Variants in MIR2052HG observed in about 807,000 individuals in gnomAD.
MIR2052HG encodes the protein MIR2052 host gene.
At chr8:74,635,768 A>G (rs1045492058) in intron 2 of MIR2052HG, among the ~76,000 whole-genome samples, 1 of 152,198 alleles carries the variant, frequency 6.6e-6, no homozygotes, top group African/African-American at 2.4e-5. Context: ...TAAGAACTTT[A>G]GGATTAACTT....
intron 2 of MIR2052HG, among the ~76,000 whole-genome samples, chr8:74,679,944 T>C (rs1809101783): frequency 1.3e-5 from 2 of 152,174 alleles, no homozygotes; most frequent in African/African-American, 2.4e-5. Flanking sequence ...AGTGTTTTAA[T>C]GTAGGTTCTA....
At chr8:74,624,298 T>C (rs77096911) in intron 2 of MIR2052HG, among the ~76,000 whole-genome samples, 3,204 of 152,338 alleles carry the variant, frequency 0.021, 43 homozygotes, top group Non-Finnish European at 0.025. Flanking sequence ...TCTGGGCTTA[T>C]GTCACTTTGT....
chr8:74,664,078 G>C (rs1448565542), intron 2 of MIR2052HG, among the ~76,000 whole-genome samples: 2 of 152,018 alleles, frequency 1.3e-5, no homozygotes, highest in Non-Finnish European at 2.9e-5. Flanking sequence ...GCTATGAGTA[G>C]GCAAAGGCAT....
intron 2 of MIR2052HG, among the ~76,000 whole-genome samples, chr8:74,620,644 C>T (rs1808348920): frequency 6.6e-6 from 1 of 152,242 alleles, no homozygotes; most frequent in Admixed American, 6.5e-5. Context: ...AGGGCTGGAG[C>T]TGAAGCAGCT....
At chr8:74,679,986 T>G (rs1356319345) in intron 2 of MIR2052HG, among the ~76,000 whole-genome samples, 1 of 152,178 alleles carries the variant, frequency 6.6e-6, no homozygotes, top group African/African-American at 2.4e-5. Flanking sequence ...GTAAAATATA[T>G]GGATACTGGA....
chr8:74,681,620 A>G (rs10110275), intron 2 of MIR2052HG, among the ~76,000 whole-genome samples: 2,735 of 152,126 alleles, frequency 0.018, 67 homozygotes, highest in African/African-American at 0.062. Context: ...AATTCATGCT[A>G]TTACCTCTTG....
intron 2 of MIR2052HG, among the ~76,000 whole-genome samples, chr8:74,614,863 T>C: frequency 6.6e-6 from 1 of 152,048 alleles, no homozygotes; most frequent in East Asian, 1.9e-4. Context: ...TTTTTTTTTT[T>C]CACTAGATTG....
At chr8:74,715,145 T>C (rs1007493518) in intron 4 of MIR2052HG, among the ~76,000 whole-genome samples, 3 of 152,190 alleles carry the variant, frequency 2.0e-5, no homozygotes, top group Admixed American at 6.5e-5. Context: ...GGAAAGAATA[T>C]GACCTTCACA....
chr8:74,636,065 G>T (rs1282100914), intron 2 of MIR2052HG, among the ~76,000 whole-genome samples: 1 of 152,134 alleles, frequency 6.6e-6, no homozygotes, highest in East Asian at 1.9e-4. Flanking sequence ...GATGTCCTCA[G>T]TTGCCTCTAT....
intron 2 of MIR2052HG, among the ~76,000 whole-genome samples, chr8:74,692,641 GT>G (rs1283731180): frequency 6.6e-6 from 1 of 152,076 alleles, no homozygotes; most frequent in Non-Finnish European, 1.5e-5. Flanking sequence ...CTTTACATAA[GT>G]TTCTCAAAGT....
intron 4 of MIR2052HG, among the ~76,000 whole-genome samples, chr8:74,718,717 A>T (rs1198636144): frequency 6.6e-6 from 1 of 152,276 alleles, no homozygotes; most frequent in South Asian, 2.1e-4. Context: ...AAGGATGGGT[A>T]ATGGTGAGGA....
chr8:74,724,255 AAACC>A (rs1274326859), intron 4 of MIR2052HG, among the ~76,000 whole-genome samples: 3 of 152,190 alleles, frequency 2.0e-5, no homozygotes, highest in Non-Finnish European at 4.4e-5. Context: ...TTTAAAAAAA[AAACC>A]ATGTGCAGAA....
At chr8:74,722,172 C>T (rs946846318) in intron 4 of MIR2052HG, among the ~76,000 whole-genome samples, 4 of 152,070 alleles carry the variant, frequency 2.6e-5, no homozygotes, top group African/African-American at 9.7e-5. Context: ...CAGAGTAAAG[C>T]CCTGTCCCTT....
At chr8:74,665,969 TC>T (rs557249223) in intron 2 of MIR2052HG, among the ~76,000 whole-genome samples, 76 of 152,334 alleles carry the variant, frequency 5.0e-4, no homozygotes, top group African/African-American at 1.8e-3. Context: ...GTGTGAGGCC[TC>T]CCCAGCCATG....
chr8:74,747,452 A>G (rs1402658149), intron 4 of MIR2052HG, among the ~76,000 whole-genome samples: 2 of 152,204 alleles, frequency 1.3e-5, no homozygotes, highest in African/African-American at 4.8e-5. Context: ...CAAAACAATG[A>G]GAGACTCAGA....
intron 1 of MIR2052HG, among the ~76,000 whole-genome samples, chr8:74,606,968 A>G (rs777777677): frequency 1.1e-4 from 16 of 152,164 alleles, no homozygotes; most frequent in Non-Finnish European, 1.9e-4. Flanking sequence ...GGACAAATTG[A>G]ACATTACCAA....
intron 2 of MIR2052HG, among the ~76,000 whole-genome samples, chr8:74,683,023 A>G (rs1313094643): frequency 6.6e-6 from 1 of 152,166 alleles, no homozygotes; most frequent in Non-Finnish European, 1.5e-5. Context: ...ATAAAGTTCA[A>G]AGCCATGCAA....
chr8:74,604,583 CTTTTTT>C (rs35641908), intron 1 of MIR2052HG, among the ~76,000 whole-genome samples: 1,055 of 49,974 alleles, frequency 0.021, 18 homozygotes, highest in African/African-American at 0.091. Context: ...TGTTTCTTTA[CTTTTTT>C]TTTTTTTTTT....
Position 74,752,622 on chromosome 8 carries a change from C to G in MIR2052HG, n.464+89C>G, listed in dbSNP as rs893854002. On this transcript the variant is annotated intron_variant and non_coding_transcript_variant, in intron 5 of 6. Coordinates refer to ENST00000523442, the Ensembl canonical transcript of MIR2052HG. ...TAAACTGCCTTAGCCATTCAAGAAG[C>G]ATTTGATTGTATCTTTGTTGAATTT... The G allele has an allele frequency of 2.8e-5, 10 of 356,054 alleles. No individual in the cohort carries two copies. The East Asian group carries it at 3.9e-4, about 14-fold the overall frequency. The allele number at this position is 356,054 out of a possible 1,614,324, so 22.1% of individuals were successfully genotyped here.
Sources: gnomAD v4.1 joint callset for allele counts (sites outside exome capture counted in the v4.1 genomes callset) on GRCh38, gnomAD v4.1.1 for gene constraint, MANE v1.5 for transcripts, NCBI Gene and HGNC (gene_info 2026-07-23, HGNC 2026-07-21) for gene names.